Variants in LRRIQ3 observed in about 807,000 individuals in gnomAD.
The protein encoded by LRRIQ3 is leucine-rich repeat and IQ domain-containing protein 3.
In LRRIQ3, 75 loss-of-function variants were observed where a neutral mutation model predicts 59.3. That is an observed-to-expected ratio of 1.26 (90% CI 1.05 to 1.53). LRRIQ3 has a LOEUF of 1.53. Ranked by LOEUF, LRRIQ3 falls within the 40% of genes most tolerant of loss-of-function variation. The pLI, the probability that LRRIQ3 is intolerant of heterozygous loss-of-function variation, is 0.00. For missense variants in LRRIQ3, 831 were observed against 710.0 expected (o/e 1.17, Z -1.94); for synonymous variants, 250 against 231.3 (o/e 1.08, Z -0.73).
chr1:74,066,671 T>C (rs530992397), intron 6 of LRRIQ3, among the ~76,000 whole-genome samples: 9 of 152,308 alleles, frequency 5.9e-5, no homozygotes, highest in South Asian at 4.1e-4. Context: ...TTATGAAATA[T>C]ATGTTTTTAT....
At chr1:74,187,353 T>TATAC (rs72216884) in intron 1 of LRRIQ3, among the ~76,000 whole-genome samples, 5,531 of 55,298 alleles carry the variant, frequency 0.1, 116 homozygotes, top group East Asian at 0.27. Context: ...GGTATATGTT[T>TATAC]ACACACACAC....
At chr1:74,175,242 G>C (rs1252783449) in intron 3 of LRRIQ3, among the ~76,000 whole-genome samples, 1 of 152,134 alleles carries the variant, frequency 6.6e-6, no homozygotes, top group Non-Finnish European at 1.5e-5. Context: ...AGGTGAAGAT[G>C]ATGACAGGTC....
rs1557656883 is a variant in LRRIQ3, at chr1:74,180,662, C to CT, written c.573+1875dup. On this transcript the variant is annotated intron_variant, in intron 3 of 7. Coordinates refer to ENST00000354431, the MANE Select transcript of LRRIQ3 (RefSeq NM_001105659.2). ...AAGTACACTCAAATCTCTGCACTGTCTGTCATTTGTGATGCAATGTTGACT... is the reference window on the plus strand; with the variant it reads ...AAGTACACTCAAATCTCTGCACTGTCTTGTCATTTGTGATGCAATGTTGACT... The CT allele has an allele frequency of 3.3e-6, 5 of 1,504,432 alleles. No homozygotes were observed. In the East Asian group the frequency reaches 1.2e-4, roughly 37 times the overall value. The allele number at this position is 1,504,432 out of a possible 1,614,324, so 93.2% of individuals were successfully genotyped here. A position where few individuals can be genotyped will look rare whatever the true frequency, so the allele number is the denominator to read the frequency against.
At chr1:74,065,050 T>A (rs914285692) in intron 6 of LRRIQ3, among the ~76,000 whole-genome samples, 1 of 152,100 alleles carries the variant, frequency 6.6e-6, no homozygotes, top group Non-Finnish European at 1.5e-5. Context: ...AGTTCTCCCA[T>A]TACATTTGGC....
chr1:74,133,764 G>A (rs1281935434), intron 4 of LRRIQ3, among the ~76,000 whole-genome samples: 1 of 151,988 alleles, frequency 6.6e-6, no homozygotes, highest in Non-Finnish European at 1.5e-5. Context: ...TAATGTAAAT[G>A]ACGAGTTAAT....
chr1:74,057,005 C>G (rs1654555741), intron 6 of LRRIQ3, among the ~76,000 whole-genome samples: 1 of 152,110 alleles, frequency 6.6e-6, no homozygotes, highest in South Asian at 2.1e-4. Context: ...ACCTTGCTTC[C>G]CCTTTGCCTT....
intron 3 of LRRIQ3, among the ~76,000 whole-genome samples, chr1:74,157,246 T>G (rs1278911173): frequency 6.6e-6 from 1 of 152,056 alleles, no homozygotes; most frequent in Admixed American, 6.6e-5. Context: ...AAGTCTGAAC[T>G]CCATCAATTA....
At chr1:74,058,009 A>AACC (rs149808381) in intron 6 of LRRIQ3, among the ~76,000 whole-genome samples, 4,371 of 152,166 alleles carry the variant, frequency 0.029, 199 homozygotes, top group African/African-American at 0.099. Flanking sequence ...TGCAAATCAA[A>AACC]ACAGTGAGAT....
At chr1:74,163,445 A>G (rs1302915249) in intron 3 of LRRIQ3, among the ~76,000 whole-genome samples, 3 of 151,632 alleles carry the variant, frequency 2.0e-5, no homozygotes, top group Non-Finnish European at 3.0e-5. Flanking sequence ...AAACTGTAAC[A>G]TAGTACATAG....
chr1:74,151,596 TG>T (rs1017982543), intron 4 of LRRIQ3, among the ~76,000 whole-genome samples: 1 of 103,652 alleles, frequency 9.6e-6, no homozygotes, highest in African/African-American at 3.8e-5. Context: ...AAATCCGGGG[TG>T]GGGGGGATGG....
intron 4 of LRRIQ3, among the ~76,000 whole-genome samples, chr1:74,128,583 C>G (rs1019418866): frequency 6.6e-6 from 1 of 152,092 alleles, no homozygotes; most frequent in African/African-American, 2.4e-5. Context: ...TCTCTCTCAA[C>G]AGGATTAGTC....
At chr1:74,171,525 A>T (rs1418461669) in intron 3 of LRRIQ3, among the ~76,000 whole-genome samples, 1 of 152,146 alleles carries the variant, frequency 6.6e-6, no homozygotes, top group Non-Finnish European at 1.5e-5. Flanking sequence ...GATCCTTTCA[A>T]TGTACTGTTG....
chr1:74,149,332 A>G (rs971216809), intron 4 of LRRIQ3, among the ~76,000 whole-genome samples: 1 of 152,210 alleles, frequency 6.6e-6, no homozygotes, highest in African/African-American at 2.4e-5. Flanking sequence ...AAGCACTTCA[A>G]GAATGTGTTC....
chr1:74,139,017 TAAAG>T, intron 4 of LRRIQ3, among the ~76,000 whole-genome samples: 1 of 148,362 alleles, frequency 6.7e-6, no homozygotes, highest in South Asian at 2.1e-4. Context: ...CTACAAAAAA[TAAAG>T]AAATAAAACA....
chr1:74,183,612 C>T lies in LRRIQ3; in HGVS notation c.73G>A (p.Glu25Lys), dbSNP rs1272398898. 7.4e-6 allele frequency: 12 copies of T among 1,611,848 alleles called. No homozygotes were observed. The highest frequency in any genetic ancestry group is 1.7e-5 in the Admixed American group (1 of 59,844). ...ACAAAAACAAAATCTTTTTGACCTT[C>T]TCTTATGTTTTCATTATAGTGACTC... ...EWSHYNENIR[E>K]GQKDFVFVKF... The change falls in exon 2 of 8, where the codon GAA becomes AAA. Residue 25 changes from glutamate to lysine, a missense_variant. Glu to Lys is a moderately conservative substitution (Grantham distance 56). Coordinates refer to ENST00000354431, the MANE Select transcript of LRRIQ3 (RefSeq NM_001105659.2).
In LRRIQ3 at chr1:74,075,832, T is replaced by C. The variant is rs79383044; in HGVS notation, c.868-1042A>G. Among the ~76,000 whole-genome samples the C allele has an allele frequency of 5.4e-3, 817 of 152,250 alleles. 5 individuals are homozygous for C. The highest frequency in any genetic ancestry group is 9.6e-3 in the Non-Finnish European group (656 of 68,006). ...TCTTACTGTATCTGCATGGGTACTA[T>C]CCTCAAACTTTTCACATGAGTGAAA... On this transcript the variant is annotated intron_variant, in intron 5 of 7. Transcript: ENST00000354431.
At chr1:74,180,401 A>G (rs547198417) in intron 3 of LRRIQ3, 5 of 228,806 alleles carry the variant, frequency 2.2e-5, no homozygotes, top group Non-Finnish European at 4.3e-5. Context: ...TGAATTTACA[A>G]TCAAGTCCAG....
At chr1:74,058,336 G>A (rs1654599509) in intron 6 of LRRIQ3, among the ~76,000 whole-genome samples, 1 of 152,060 alleles carries the variant, frequency 6.6e-6, no homozygotes, top group African/African-American at 2.4e-5. Flanking sequence ...ATCAATAGAT[G>A]AATGGATAAT....
intron 5 of LRRIQ3, among the ~76,000 whole-genome samples, chr1:74,075,159 G>A (rs1300380434): frequency 4.6e-5 from 7 of 152,048 alleles, no homozygotes; most frequent in Non-Finnish European, 7.4e-5. Context: ...AATAAAGGGA[G>A]GTACAAAATT....
Sources: gnomAD v4.1 joint callset for allele counts (sites outside exome capture counted in the v4.1 genomes callset) on GRCh38, gnomAD v4.1.1 for gene constraint, MANE v1.5 for transcripts, NCBI Gene and HGNC (gene_info 2026-07-23, HGNC 2026-07-21) for gene names.